Variants in WASHC4 observed in about 807,000 individuals in gnomAD.
WASHC4 encodes the protein WASH complex subunit 4.
In WASHC4, 86 loss-of-function variants were observed where a neutral mutation model predicts 166.6. That is an observed-to-expected ratio of 0.52 (90% CI 0.43 to 0.62). The LOEUF is 0.62. Among genes scored for constraint, WASHC4 ranks in the 20% least tolerant of loss-of-function variants. The pLI is 0.00. For missense variants in WASHC4, 1,262 were observed against 1,382.4 expected, an observed-to-expected ratio of 0.91 and a Z score of 1.38; for synonymous variants, 446 against 451.6, an observed-to-expected ratio of 0.99 and a Z score of 0.16.
intron 2 of WASHC4, among the ~76,000 whole-genome samples, chr12:105,112,169 T>C (rs12581968): frequency 6.6e-6 from 1 of 152,360 alleles, no homozygotes; most frequent in East Asian, 1.9e-4. Context: ...GCTCCTTTGT[T>C]GCTGGCTTCT....
At chr12:105,158,094 A>G (rs1884287873) in intron 28 of WASHC4, among the ~76,000 whole-genome samples, 1 of 152,218 alleles carries the variant, frequency 6.6e-6, no homozygotes, top group African/African-American at 2.4e-5. Context: ...CATAATGATA[A>G]GAAGGGTTAT....
intron 6 of WASHC4, 81 bp downstream of exon 6, chr12:105,115,809 C>G (rs1309270313): frequency 1.2e-6 from 1 of 853,104 alleles, no homozygotes; most frequent in African/African-American, 1.7e-5. Flanking sequence ...GTTCTGAAAC[C>G]TTCAAATACT....
intron 6 of WASHC4, among the ~76,000 whole-genome samples, chr12:105,118,104 G>A (rs1565995242): frequency 1.3e-5 from 2 of 152,190 alleles, no homozygotes; most frequent in African/African-American, 4.8e-5. Flanking sequence ...TTATTGAGAA[G>A]CAGTTGAGTG....
At chr12:105,165,736 T>C (rs1168700297) in intron 32 of WASHC4, among the ~76,000 whole-genome samples, 1 of 152,220 alleles carries the variant, frequency 6.6e-6, no homozygotes, top group East Asian at 1.9e-4. Context: ...CATTGTTGCA[T>C]AAATTAAATA....
chr12:105,147,553 A>C (rs1031217529), intron 24 of WASHC4: 1 of 990,056 alleles, frequency 1.0e-6, no homozygotes, highest in African/African-American at 1.7e-5. Context: ...AGGGTTTGCT[A>C]ATTATTTGAT....
rs965133945 is a variant in WASHC4, at chr12:105,157,308, A to T, written c.2898A>T (p.Thr966=). ...AAGAAGAAGGTCTTGCAGAAGAAAC[A>T]TTAAAAGCAGCAAGGTAATCTAAAT... ...LVKEEGLAEE[T]LKAARHLDSV... is the part of the protein sequence containing the mutation. Residue 966 remains threonine, a synonymous_variant, in exon 28 of 33, where the codon ACA becomes ACT. Transcript: ENST00000332180. 26 of 1,544,090 alleles carry T rather than the reference A, an allele frequency of 1.7e-5. No individual in the cohort carries two copies. Among genetic ancestry groups the T allele is most frequent in the Non-Finnish European group, 2.2e-5 (25 of 1,121,516 alleles).
chr12:105,162,949 T>C, intron 30 of WASHC4, 104 bp downstream of exon 30: 1 of 661,656 alleles, frequency 1.5e-6, no homozygotes, highest in South Asian at 1.7e-5. Context: ...TTATAGATTT[T>C]TCTTTCTTTT....
intron 2 of WASHC4, among the ~76,000 whole-genome samples, chr12:105,112,086 AGT>A (rs1403989608): frequency 2.6e-5 from 1 of 38,542 alleles, no homozygotes; most frequent in African/African-American, 7.3e-5. Context: ...GGCAACCACC[AGT>A]CAATCTACTT....
rs893563671 is a variant in WASHC4 at position 105,120,548 on chromosome 12, A to G, written c.519-7A>G. 1.3e-6 allele frequency: 2 copies of G among 1,577,730 alleles called. No homozygotes were observed. The highest frequency in any genetic ancestry group is 1.1e-5 in the South Asian group (1 of 90,196). On this transcript the variant is annotated splice_region_variant and splice_polypyrimidine_tract_variant and intron_variant, in intron 7 of 32. Transcript: ENST00000332180. Reference sequence around the variant, plus strand: ...TTTTTTTTAACTTGGTTGTTATTTTATTATAGGATTGCACCCAAAATTATA... The same window carrying G: ...TTTTTTTTAACTTGGTTGTTATTTTGTTATAGGATTGCACCCAAAATTATA...
In WASHC4 at chr12:105,148,674, C is replaced by T. The variant is rs78902583; in HGVS notation, c.2515-941C>T. ...ATGTTTAAGCTACAAGATAAGTTCC[C>T]GAAAATCATTTGTTTCCATAATTGG... is the stretch of plus-strand genomic sequence containing the variant. On this transcript the variant is annotated intron_variant, in intron 24 of 32. Transcript: ENST00000332180. 9.1e-3 allele frequency: 8,940 copies of T among 985,120 alleles called. 44 individuals are homozygous for T. Among genetic ancestry groups the T allele is most frequent in the Non-Finnish European group, 0.01 (8,467 of 829,798 alleles). 61.0% of individuals were successfully genotyped at this position (985,120 alleles called of 1,614,324 possible). A position where few individuals can be genotyped will look rare whatever the true frequency, so the allele number is the denominator to read the frequency against.
At chr12:105,128,263 C>T (rs1370476204) in intron 13 of WASHC4, among the ~76,000 whole-genome samples, 1 of 152,156 alleles carries the variant, frequency 6.6e-6, no homozygotes, top group Non-Finnish European at 1.5e-5. Context: ...CATTTCAGAA[C>T]TCTAGTAGAT....
intron 1 of WASHC4, 120 bp downstream of exon 1, chr12:105,107,981 A>G: frequency 1.3e-6 from 1 of 783,708 alleles, no homozygotes; most frequent in Non-Finnish European, 2.2e-6. Context: ...GGGACACTTC[A>G]GAGCCCTTGG....
At chr12:105,123,362 G>A (rs551560113) in intron 10 of WASHC4, among the ~76,000 whole-genome samples, 2 of 152,232 alleles carry the variant, frequency 1.3e-5, no homozygotes, top group Middle Eastern at 3.4e-3. Flanking sequence ...GCCTCTTGCT[G>A]TGACTAGCTA....
At chr12:105,148,917 C>T in intron 24 of WASHC4, 1 of 985,180 alleles carries the variant, frequency 1.0e-6, no homozygotes, top group South Asian at 4.7e-5. Flanking sequence ...TCAGCTCATA[C>T]CTCACTTTCT....
chr12:105,144,012 C>A (rs1883086912), intron 20 of WASHC4, among the ~76,000 whole-genome samples: 1 of 151,392 alleles, frequency 6.6e-6, no homozygotes, highest in South Asian at 2.1e-4. Flanking sequence ...CTTGCCTGTT[C>A]TCATGCCCTT....
chr12:105,139,425 G>GTGTGTGTATGTATATATATATATA, intron 15 of WASHC4, among the ~76,000 whole-genome samples: 8 of 103,222 alleles, frequency 7.8e-5, no homozygotes, highest in African/African-American at 2.8e-4. Flanking sequence ...ATGTGTGTGT[G>GTGTGTGTATGTATATATATATATA]TATATATATA....
At chr12:105,133,230 A>T (rs778764922) in intron 13 of WASHC4, among the ~76,000 whole-genome samples, 7 of 152,072 alleles carry the variant, frequency 4.6e-5, no homozygotes, top group Non-Finnish European at 8.8e-5. Flanking sequence ...TTATTACCTG[A>T]ACAAGCCAGA....
intron 32 of WASHC4, among the ~76,000 whole-genome samples, 180 bp from the exon 33 acceptor site, chr12:105,166,684 G>A (rs1478455678): frequency 1.3e-5 from 2 of 152,142 alleles, no homozygotes; most frequent in African/African-American, 4.8e-5. Context: ...GTTTAGCCTA[G>A]ATTTTTAAAA....
chr12:105,147,010 T>C, intron 23 of WASHC4, 32 bp from the exon 24 acceptor site: 2 of 1,245,852 alleles, frequency 1.6e-6, no homozygotes, highest in East Asian at 2.3e-5. Flanking sequence ...ATGGGTTGCG[T>C]TGTTACTGAG....
Sources: gnomAD v4.1 joint callset for allele counts (sites outside exome capture counted in the v4.1 genomes callset) on GRCh38, gnomAD v4.1.1 for gene constraint, MANE v1.5 for transcripts, NCBI Gene and HGNC (gene_info 2026-07-23, HGNC 2026-07-21) for gene names.